The following AGBL4 variants were observed in gnomAD, a reference collection of about 807,000 sequenced individuals.
AGBL4 encodes cytosolic carboxypeptidase 6.
Under a neutral mutation model 66.4 loss-of-function variants are expected in AGBL4, and 58 were observed. That is an observed-to-expected ratio of 0.87 (90% CI 0.71 to 1.09). AGBL4 has a LOEUF of 1.09. Among genes scored for constraint, AGBL4 ranks in the 50% least tolerant of loss-of-function variants. The pLI is 0.00. For synonymous variants in AGBL4, 234 were observed against 222.9 expected (o/e 1.05, Z -0.44); for missense variants, 579 against 631.0 (o/e 0.92, Z 0.88).
chr1:49,008,936 A>G (rs896560693), intron 5 of AGBL4, among the ~76,000 whole-genome samples: 10 of 151,630 alleles, frequency 6.6e-5, no homozygotes, highest in African/African-American at 2.4e-4. Flanking sequence ...GAAAGATCCA[A>G]AATTGACACC....
At chr1:49,651,733 A>C (rs540837432) in intron 3 of AGBL4, among the ~76,000 whole-genome samples, 1 of 152,232 alleles carries the variant, frequency 6.6e-6, no homozygotes, top group East Asian at 1.9e-4. Context: ...AACAACAGCA[A>C]ATTCAAAATA....
intron 3 of AGBL4, among the ~76,000 whole-genome samples, chr1:49,314,341 T>C (rs1439527724): frequency 1.3e-5 from 2 of 152,018 alleles, no homozygotes; most frequent in African/African-American, 2.4e-5. Flanking sequence ...TATTAACTCG[T>C]CATCTACATT....
chr1:48,633,896 C>A (rs1645628499), intron 9 of AGBL4, among the ~76,000 whole-genome samples: 1 of 152,218 alleles, frequency 6.6e-6, no homozygotes, highest in Admixed American at 6.5e-5. Flanking sequence ...CCAACCCACC[C>A]TCCAACTCCA....
intron 1 of AGBL4, among the ~76,000 whole-genome samples, chr1:49,921,343 T>G (rs1000372005): frequency 6.6e-6 from 1 of 152,142 alleles, no homozygotes; most frequent in African/African-American, 2.4e-5. Context: ...TAAAACTCAC[T>G]AAGAGCAATG....
At position 48,968,348 on chromosome 1, in the gene AGBL4, A is replaced by G. The variant is rs76353980; in HGVS notation, c.594+77236T>C. On this transcript the variant is annotated intron_variant, in intron 5 of 13. Transcript: ENST00000371839. ...TAGGTGAATGCTAAGCCACTGAAGG[A>G]TTAAGAATAGAAAAATGAAATTATA... Among the ~76,000 whole-genome samples the G allele has an allele frequency of 1.7e-3, 258 of 152,252 alleles. 1 individual carries two copies. The highest frequency in any genetic ancestry group is 6.1e-3 in the African/African-American group (252 of 41,570).
At chr1:48,756,819 G>C (rs1318178020) in intron 6 of AGBL4, among the ~76,000 whole-genome samples, 2 of 152,146 alleles carry the variant, frequency 1.3e-5, no homozygotes, top group East Asian at 3.9e-4. Flanking sequence ...GGATAGGGTG[G>C]GTGGTCTATG....
At chr1:48,539,518 CA>C in intron 12 of AGBL4, 123 bp downstream of exon 12, 2 of 694,888 alleles carry the variant, frequency 2.9e-6, no homozygotes, top group Admixed American at 3.9e-5. Context: ...GTGGCAGGGC[CA>C]GGATTATCTT....
chr1:48,596,335 G>A (rs758268844), intron 9 of AGBL4, among the ~76,000 whole-genome samples: 1 of 152,164 alleles, frequency 6.6e-6, no homozygotes, highest in African/African-American at 2.4e-5. Flanking sequence ...GGAGCAAGAA[G>A]TGTTGGAGAA....
rs1423911164 is a variant in AGBL4, at chr1:48,725,432, T to A, written c.635-62191A>T. Among the ~76,000 whole-genome samples the A allele has an allele frequency of 7.2e-5, 11 of 152,346 alleles. No homozygotes were observed. The South Asian group carries it at 2.3e-3, about 32-fold the overall frequency. ...CAAAATGAATTTGAGTTTTTATATGTATTTGAATGTAATAAAACTGCAAAT... is the reference window on the plus strand; with the variant it reads ...CAAAATGAATTTGAGTTTTTATATGAATTTGAATGTAATAAAACTGCAAAT... On this transcript the variant is annotated intron_variant, in intron 6 of 13. Transcript: ENST00000371839.
chr1:49,620,538 A>G (rs1442963648), intron 3 of AGBL4, among the ~76,000 whole-genome samples: 1 of 152,216 alleles, frequency 6.6e-6, no homozygotes, highest in Non-Finnish European at 1.5e-5. Flanking sequence ...AATTAGTTCA[A>G]CCACTGCGGA....
At chr1:49,036,827 T>C (rs1664704864) in intron 5 of AGBL4, among the ~76,000 whole-genome samples, 1 of 151,720 alleles carries the variant, frequency 6.6e-6, no homozygotes, top group Non-Finnish European at 1.5e-5. Context: ...AGCCTTGTCT[T>C]GGTATCTTTA....
At chr1:49,978,027 C>T (rs760123364) in intron 1 of AGBL4, among the ~76,000 whole-genome samples, 4 of 152,168 alleles carry the variant, frequency 2.6e-5, no homozygotes, top group Non-Finnish European at 4.4e-5. Flanking sequence ...TGATTTTCAA[C>T]GTGCCTGAAA....
intron 4 of AGBL4, among the ~76,000 whole-genome samples, chr1:49,186,477 C>A (rs769226218): frequency 6.6e-6 from 1 of 152,128 alleles, no homozygotes; most frequent in Non-Finnish European, 1.5e-5. Flanking sequence ...ACTCAATGAG[C>A]CTTTCTGGTC....
Position 49,963,414 on chromosome 1 carries a change from C to T in AGBL4, c.34+60349G>A, listed in dbSNP as rs552942422. Among the ~76,000 whole-genome samples the T allele has an allele frequency of 8.5e-4, 130 of 152,244 alleles. 3 individuals are homozygous for T. The South Asian group carries it at 0.026, about 31-fold the overall frequency. On this transcript the variant is annotated intron_variant, in intron 1 of 13. Transcript: ENST00000371839. ...ACTGGGAACACCAGAGAAGCAAAAC[C>T]TAACTCTTTTTCTGTGCCTCAATAT...
intron 6 of AGBL4, among the ~76,000 whole-genome samples, chr1:48,814,160 C>G (rs968444081): frequency 6.6e-6 from 1 of 152,078 alleles, no homozygotes; most frequent in Non-Finnish European, 1.5e-5. Context: ...CCCCAGTTCC[C>G]TGTCAACCTC....
At chr1:49,870,630 C>G (rs1646816229) in intron 1 of AGBL4, among the ~76,000 whole-genome samples, 1 of 151,136 alleles carries the variant, frequency 6.6e-6, no homozygotes, top group African/African-American at 2.4e-5. Context: ...GAAGAACTAT[C>G]AGATTTCAAC....
chr1:49,670,989 T>C (rs1392909431), intron 3 of AGBL4, among the ~76,000 whole-genome samples: 1 of 152,156 alleles, frequency 6.6e-6, no homozygotes, highest in African/African-American at 2.4e-5. Flanking sequence ...AAACATATTT[T>C]AAATTCTATA....
At chr1:49,962,148 T>C (rs1571967464) in intron 1 of AGBL4, among the ~76,000 whole-genome samples, 2 of 152,154 alleles carry the variant, frequency 1.3e-5, no homozygotes, top group Admixed American at 1.3e-4. Context: ...TTTTATATAA[T>C]GCAGAAAAGA....
chr1:48,592,321 C>T (rs1382259875), intron 9 of AGBL4, among the ~76,000 whole-genome samples: 4 of 152,188 alleles, frequency 2.6e-5, no homozygotes, highest in Non-Finnish European at 5.9e-5. Context: ...TAGAAGGATT[C>T]TCCCTCCTTG....
Sources: gnomAD v4.1 joint callset for allele counts (sites outside exome capture counted in the v4.1 genomes callset) on GRCh38, gnomAD v4.1.1 for gene constraint, MANE v1.5 for transcripts, NCBI Gene and HGNC (gene_info 2026-07-23, HGNC 2026-07-21) for gene names.